CDKAL1: variants seen among roughly 807,000 people sequenced by gnomAD.
CDKAL1 encodes the protein CDKAL1 threonylcarbamoyladenosine tRNA methylthiotransferase, also known as threonylcarbamoyladenosine tRNA methylthiotransferase.
CDKAL1 carries 32 observed loss-of-function variants against 68.2 expected under a neutral mutation model. The observed-to-expected ratio is 0.47, with a 90% CI of 0.35 to 0.63. The LOEUF is 0.63. CDKAL1 is among the 30% of genes least tolerant of loss of function. The probability of loss-of-function intolerance (pLI) is 0.00; values close to 1 mark genes in which losing one functional copy is unlikely to be tolerated. For missense variants in CDKAL1, 606 were observed against 696.7 expected, an observed-to-expected ratio of 0.87 and a Z score of 1.47; for synonymous variants, 234 against 244.3, an observed-to-expected ratio of 0.96 and a Z score of 0.39.
chr6:20,866,196 G>A (rs1374678241), intron 9 of CDKAL1, among the ~76,000 whole-genome samples: 5 of 152,198 alleles, frequency 3.3e-5, no homozygotes, highest in African/African-American at 1.2e-4. Flanking sequence ...CAAACAGCAG[G>A]GTTTCTCTAG....
chr6:20,690,993 T>C (rs539519168), intron 5 of CDKAL1, among the ~76,000 whole-genome samples: 1 of 152,328 alleles, frequency 6.6e-6, no homozygotes, highest in East Asian at 1.9e-4. Context: ...ATGAAACATG[T>C]ATTGCATGCA....
intron 5 of CDKAL1, among the ~76,000 whole-genome samples, chr6:20,710,901 C>T (rs928945736): frequency 2.0e-5 from 3 of 152,156 alleles, no homozygotes; most frequent in Admixed American, 6.5e-5. Flanking sequence ...ATTTCTGGTT[C>T]TGGTCCTACC....
intron 4 of CDKAL1, among the ~76,000 whole-genome samples, chr6:20,634,811 C>G (rs1359587287): frequency 6.6e-6 from 1 of 151,716 alleles, no homozygotes; most frequent in Non-Finnish European, 1.5e-5. Flanking sequence ...AACCCCGTCT[C>G]TACTAAAAAT....
intron 4 of CDKAL1, among the ~76,000 whole-genome samples, chr6:20,626,626 T>G (rs1000638972): frequency 6.6e-6 from 1 of 152,182 alleles, no homozygotes; most frequent in African/African-American, 2.4e-5. Flanking sequence ...CGATAGTGAC[T>G]TAAACTAATG....
At chr6:20,877,976 T>TG (rs1344678506) in intron 9 of CDKAL1, among the ~76,000 whole-genome samples, 2 of 152,232 alleles carry the variant, frequency 1.3e-5, no homozygotes, top group Non-Finnish European at 2.9e-5. Context: ...ACAAAGATGA[T>TG]GGGTCTTTGC....
intron 8 of CDKAL1, among the ~76,000 whole-genome samples, chr6:20,782,844 T>C (rs1581571334): frequency 1.3e-5 from 2 of 152,212 alleles, no homozygotes; most frequent in Non-Finnish European, 2.9e-5. Context: ...TATGCTAAAT[T>C]ATCATCATGG....
intron 4 of CDKAL1, among the ~76,000 whole-genome samples, chr6:20,587,117 G>C (rs957239471): frequency 6.6e-6 from 1 of 151,224 alleles, no homozygotes; most frequent in African/African-American, 2.4e-5. Flanking sequence ...CTCCTGAGTA[G>C]CTGAGATTAC....
intron 13 of CDKAL1, among the ~76,000 whole-genome samples, chr6:21,111,040 A>G (rs1418679289): frequency 6.6e-6 from 1 of 152,146 alleles, no homozygotes; most frequent in Non-Finnish European, 1.5e-5. Context: ...AAGATTGCCC[A>G]TGTGTTGGTG....
Position 20,889,444 on chromosome 6 carries a change from C to T in CDKAL1, c.742+43266C>T, listed in dbSNP as rs1415318396. Among the ~76,000 whole-genome samples the T allele has an allele frequency of 1.2e-4, 18 of 152,126 alleles. No individual in the cohort carries two copies. In the East Asian group the frequency reaches 3.5e-3, roughly 29 times the overall value. ...TGGTGTTTTAGACATGAAGTCCTTG[C>T]CCATGCCTATGTCCTGAATGGTATT... On this transcript the variant is annotated intron_variant, in intron 9 of 15. Transcript: ENST00000274695.
intron 5 of CDKAL1, among the ~76,000 whole-genome samples, chr6:20,684,664 G>C (rs549900942): frequency 6.6e-6 from 1 of 152,146 alleles, no homozygotes; most frequent in South Asian, 2.1e-4. Context: ...CTGTTGCTCC[G>C]CATCCTTGCC....
chr6:20,999,195 A>G (rs1330985841), intron 10 of CDKAL1, among the ~76,000 whole-genome samples: 4 of 152,160 alleles, frequency 2.6e-5, no homozygotes, highest in Non-Finnish European at 5.9e-5. Flanking sequence ...TGGACTCTGA[A>G]AGGCCGTATG....
chr6:20,799,202 A>G (rs1776263594), intron 8 of CDKAL1, among the ~76,000 whole-genome samples: 1 of 151,714 alleles, frequency 6.6e-6, no homozygotes, highest in South Asian at 2.1e-4. Flanking sequence ...ACAGGCACGC[A>G]CCACCGCACC....
chr6:21,028,621 C>A (rs921153118), intron 11 of CDKAL1, among the ~76,000 whole-genome samples: 1 of 152,168 alleles, frequency 6.6e-6, no homozygotes, highest in African/African-American at 2.4e-5. Context: ...CTTAAGACCT[C>A]ATTTAACCTT....
intron 10 of CDKAL1, among the ~76,000 whole-genome samples, chr6:20,994,152 C>G (rs569070482): frequency 6.6e-6 from 1 of 152,308 alleles, no homozygotes; most frequent in African/African-American, 2.4e-5. Flanking sequence ...AACCTGAGAC[C>G]CTTCCCTTCA....
chr6:20,556,642 G>C (rs1764054121), intron 4 of CDKAL1, among the ~76,000 whole-genome samples: 1 of 152,114 alleles, frequency 6.6e-6, no homozygotes, highest in Non-Finnish European at 1.5e-5. Flanking sequence ...GTGTCTTACA[G>C]TTTGTAACAT....
intron 11 of CDKAL1, among the ~76,000 whole-genome samples, chr6:21,028,975 C>T (rs962755973): frequency 3.3e-5 from 5 of 152,106 alleles, no homozygotes; most frequent in Non-Finnish European, 7.4e-5. Flanking sequence ...TTTGAAGATA[C>T]TGTGCTTCGG....
chr6:20,949,520 T>C (rs985506624), intron 9 of CDKAL1, among the ~76,000 whole-genome samples: 8 of 152,176 alleles, frequency 5.3e-5, no homozygotes, highest in Admixed American at 5.2e-4. Context: ...ACTTAATCTG[T>C]GCATCTCTTT....
chr6:20,708,727 G>A (rs1257933361), intron 5 of CDKAL1, among the ~76,000 whole-genome samples: 1 of 152,006 alleles, frequency 6.6e-6, no homozygotes, highest in African/African-American at 2.4e-5. Flanking sequence ...TTAGTTTTTT[G>A]TATGTGTGCA....
chr6:20,537,973 A>G (rs954221381), intron 2 of CDKAL1, among the ~76,000 whole-genome samples: 1 of 152,252 alleles, frequency 6.6e-6, no homozygotes, highest in Non-Finnish European at 1.5e-5. Flanking sequence ...TATGATATAC[A>G]GCCAGGTTTA....
Sources: gnomAD v4.1 joint callset for allele counts (sites outside exome capture counted in the v4.1 genomes callset) on GRCh38, gnomAD v4.1.1 for gene constraint, MANE v1.5 for transcripts, NCBI Gene and HGNC (gene_info 2026-07-23, HGNC 2026-07-21) for gene names.